The following MDGA2 variants were observed in gnomAD, a reference collection of about 807,000 sequenced individuals.
The protein encoded by MDGA2 is MAM domain-containing glycosylphosphatidylinositol anchor protein 2.
In MDGA2, 40 loss-of-function variants were observed where a neutral mutation model predicts 117.8. The observed-to-expected ratio is 0.34, with a 90% CI of 0.26 to 0.44. The LOEUF (loss-of-function observed/expected upper bound fraction) is 0.44. Ranked by LOEUF, MDGA2 falls within the 20% of genes least tolerant of loss-of-function variation. The probability of loss-of-function intolerance (pLI) is 1.00; values close to 1 mark genes in which losing one functional copy is unlikely to be tolerated. For synonymous variants in MDGA2, 452 were observed against 439.0 expected (o/e 1.03, Z -0.37); for missense variants, 1,123 against 1,250.6 (o/e 0.90, Z 1.54).
chr14:47,624,623 T>C lies in MDGA2; in HGVS notation c.280+49894A>G, dbSNP rs552668442. Among the ~76,000 whole-genome samples the C allele has an allele frequency of 5.3e-5, 8 of 152,352 alleles. No homozygotes were observed. The East Asian group carries it at 1.5e-3, about 29-fold the overall frequency. ...GAATATTCTTATATCTAATCAGTTTTTTTTAAGCTCCAGGCTGTAAGATAG... is the reference window on the plus strand; with the variant it reads ...GAATATTCTTATATCTAATCAGTTTCTTTTAAGCTCCAGGCTGTAAGATAG... On this transcript the variant is annotated intron_variant, in intron 1 of 16. Transcript: ENST00000399232.
intron 1 of MDGA2, among the ~76,000 whole-genome samples, chr14:47,660,716 C>A (rs1254366527): frequency 6.7e-6 from 1 of 149,542 alleles, no homozygotes; most frequent in Non-Finnish European, 1.5e-5. Context: ...TGTTAATCAG[C>A]CTAGGGAGAA....
chr14:46,872,558 A>G lies in MDGA2; in HGVS notation c.2752+875T>C, dbSNP rs189081619. Among the ~76,000 whole-genome samples the G allele has an allele frequency of 3.3e-5, 5 of 152,050 alleles. No individual in the cohort carries two copies. In the East Asian group the frequency reaches 9.7e-4, roughly 30 times the overall value. On this transcript the variant is annotated intron_variant, in intron 14 of 16. Coordinates refer to ENST00000399232, the MANE Select transcript of MDGA2 (RefSeq NM_001113498.3). ...AAAGGTGAGAGATTATATCACTTAT[A>G]TCATGTGATATCTTCTGGAATGGTC...
chr14:47,474,203 G>A lies in MDGA2; in HGVS notation c.281-172653C>T, dbSNP rs1329233676. Among the ~76,000 whole-genome samples, 2 of 152,092 alleles carry A rather than the reference G, an allele frequency of 1.3e-5. 1 individual carries two copies. The highest frequency in any genetic ancestry group is 2.9e-5 in the Non-Finnish European group (2 of 68,028). Reference sequence around the variant, plus strand: ...TACACCAATAAAAGGCAAGATGAGAGCCAAATCATAAATAAACTCCAATTC... The same window carrying A: ...TACACCAATAAAAGGCAAGATGAGAACCAAATCATAAATAAACTCCAATTC... On this transcript the variant is annotated intron_variant, in intron 1 of 16. Coordinates refer to ENST00000399232, the MANE Select transcript of MDGA2 (RefSeq NM_001113498.3).
At chr14:47,488,235 C>T (rs746273122) in intron 1 of MDGA2, among the ~76,000 whole-genome samples, 4 of 152,072 alleles carry the variant, frequency 2.6e-5, no homozygotes, top group Admixed American at 6.6e-5. Context: ...GGCTAGAGAA[C>T]GAATAGAACT....
At chr14:47,241,328 A>T (rs1357873120) in intron 2 of MDGA2, among the ~76,000 whole-genome samples, 1 of 151,858 alleles carries the variant, frequency 6.6e-6, no homozygotes, top group Non-Finnish European at 1.5e-5. Flanking sequence ...GGCTCCATGC[A>T]CTTTTAGATA....
At position 46,949,405 on chromosome 14, in the gene MDGA2, A is replaced by G. The variant is rs181821567; in HGVS notation, c.2089+7969T>C. On this transcript the variant is annotated intron_variant, in intron 9 of 16. Transcript: ENST00000399232. The stretch of plus-strand genomic sequence containing the variant: ...CATATGTGTAGTTTTTTACATGGCT[A>G]TATTGCATAATGCTGAGGTTTGGGC... Among the ~76,000 whole-genome samples, 5 of 152,094 alleles carry G rather than the reference A, an allele frequency of 3.3e-5. No individual in the cohort carries two copies. In the East Asian group the frequency reaches 9.7e-4, roughly 29 times the overall value.
chr14:47,165,284 G>T (rs747235014), intron 3 of MDGA2, among the ~76,000 whole-genome samples: 4 of 152,120 alleles, frequency 2.6e-5, no homozygotes, highest in Non-Finnish European at 5.9e-5. Flanking sequence ...TCCCATTTCT[G>T]TAATTAAAAT....
At chr14:47,624,080 T>C (rs143238306) in intron 1 of MDGA2, among the ~76,000 whole-genome samples, 1 of 152,348 alleles carries the variant, frequency 6.6e-6, no homozygotes, top group African/African-American at 2.4e-5. Flanking sequence ...CATATAAGTA[T>C]TGTTTTAATT....
intron 1 of MDGA2, among the ~76,000 whole-genome samples, chr14:47,497,687 A>C (rs1300346983): frequency 1.3e-5 from 2 of 152,224 alleles, no homozygotes; most frequent in Non-Finnish European, 2.9e-5. Context: ...GGGTTTAAAA[A>C]TTGAACATTA....
intron 14 of MDGA2, among the ~76,000 whole-genome samples, chr14:46,872,913 G>C (rs1475993011): frequency 6.6e-6 from 1 of 151,778 alleles, no homozygotes; most frequent in East Asian, 1.9e-4. Flanking sequence ...GGAAGGAAAT[G>C]TGTCTTTATC....
chr14:47,064,408 AATAAC>A (rs1170698156), intron 6 of MDGA2, among the ~76,000 whole-genome samples: 3 of 152,096 alleles, frequency 2.0e-5, no homozygotes, highest in Admixed American at 6.6e-5. Context: ...CCTCTAACAA[AATAAC>A]ATAACTGGTT....
intron 3 of MDGA2, among the ~76,000 whole-genome samples, chr14:47,184,776 A>G (rs1245807933): frequency 6.6e-6 from 1 of 151,816 alleles, no homozygotes; most frequent in Non-Finnish European, 1.5e-5. Context: ...TGTAGCACAT[A>G]GAGGACTGAG....
At chr14:47,593,603 T>C (rs1286218285) in intron 1 of MDGA2, among the ~76,000 whole-genome samples, 2 of 152,072 alleles carry the variant, frequency 1.3e-5, no homozygotes, top group East Asian at 1.9e-4. Context: ...TGGAAGCCAT[T>C]ATTCTCAGCC....
At chr14:47,143,872 A>G (rs1290331157) in intron 4 of MDGA2, among the ~76,000 whole-genome samples, 2 of 152,218 alleles carry the variant, frequency 1.3e-5, no homozygotes, top group Non-Finnish European at 2.9e-5. Flanking sequence ...AATGTTTTCA[A>G]AAGTTAACAT....
rs112003416 is a variant in MDGA2, at chr14:46,883,856, G to GAT, written c.2239-1637_2239-1636dup. On this transcript the variant is annotated intron_variant, in intron 10 of 16. Transcript: ENST00000399232. ...AGATTTTTTTATTCTCCTTAATTCAGATATATATATATGACAAATACAGTC... is the reference window on the plus strand; with the variant it reads ...AGATTTTTTTATTCTCCTTAATTCAGATATATATATATATGACAAATACAGTC... Among the ~76,000 whole-genome samples the GAT allele has an allele frequency of 3.2e-4, 48 of 151,662 alleles. 1 individual carries two copies. The highest frequency in any genetic ancestry group is 6.0e-4 in the African/African-American group (25 of 41,440).
chr14:47,046,278 T>A (rs1889261691), intron 7 of MDGA2, among the ~76,000 whole-genome samples: 1 of 151,700 alleles, frequency 6.6e-6, no homozygotes, highest in Non-Finnish European at 1.5e-5. Context: ...AGTCAACCTA[T>A]AACCATTTCT....
intron 2 of MDGA2, among the ~76,000 whole-genome samples, chr14:47,260,746 T>C (rs748737333): frequency 6.6e-6 from 1 of 152,058 alleles, no homozygotes; most frequent in Non-Finnish European, 1.5e-5. Flanking sequence ...CATTGTAAGC[T>C]GGGAGCTGAT....
At chr14:46,874,843 T>C (rs1882160260) in intron 12 of MDGA2, among the ~76,000 whole-genome samples, 1 of 151,628 alleles carries the variant, frequency 6.6e-6, no homozygotes. Flanking sequence ...ATGCCTAACG[T>C]ATGTTGAGTT....
intron 16 of MDGA2, among the ~76,000 whole-genome samples, chr14:46,842,961 G>A (rs1217206541): frequency 6.6e-6 from 1 of 151,978 alleles, no homozygotes; most frequent in Non-Finnish European, 1.5e-5. Context: ...CTTAATAAAT[G>A]GTAATTAAAT....
Sources: allele counts gnomAD v4.1 joint callset (sites outside exome capture counted in the v4.1 genomes callset), GRCh38; gene constraint gnomAD v4.1.1; transcripts MANE v1.5; gene names NCBI Gene and HGNC (gene_info 2026-07-23, HGNC 2026-07-21).